The following PRKD1 variants were observed in gnomAD, a reference collection of about 807,000 sequenced individuals.
The protein encoded by PRKD1 is serine/threonine-protein kinase D1.
PRKD1 carries 63 observed loss-of-function variants against 95.9 expected under a neutral mutation model. The ratio of observed to expected loss-of-function variants is 0.66; its 90% CI spans 0.54 to 0.81. The LOEUF is 0.81. Among genes scored for constraint, PRKD1 ranks in the 30% least tolerant of loss-of-function variants. PRKD1 has a pLI of 0.00. For missense variants in PRKD1, 1,048 were observed against 1,165.3 expected (o/e 0.90, Z 1.47); for synonymous variants, 425 against 423.1 (o/e 1.00, Z -0.05).
At chr14:29,908,234 T>C (rs778291188) in intron 1 of PRKD1, among the ~76,000 whole-genome samples, 14 of 152,138 alleles carry the variant, frequency 9.2e-5, no homozygotes, top group Admixed American at 7.9e-4. Flanking sequence ...AATTTAATCT[T>C]AGGAATTAAT....
chr14:29,874,674 T>C (rs888555103), intron 1 of PRKD1, among the ~76,000 whole-genome samples: 4 of 152,156 alleles, frequency 2.6e-5, no homozygotes, highest in Admixed American at 2.6e-4. Flanking sequence ...GAATGAAATC[T>C]TGTCATTTGC....
At chr14:29,799,436 G>T in intron 1 of PRKD1, among the ~76,000 whole-genome samples, 1 of 152,212 alleles carries the variant, frequency 6.6e-6, no homozygotes, top group East Asian at 1.9e-4. Context: ...AAATTGCTCC[G>T]GGATTCCTAA....
chr14:29,729,789 A>T (rs1386705275), intron 1 of PRKD1, among the ~76,000 whole-genome samples: 2 of 152,074 alleles, frequency 1.3e-5, no homozygotes, highest in Non-Finnish European at 1.5e-5. Flanking sequence ...CATTTAATGC[A>T]ATAAATACTT....
At chr14:29,750,771 T>C (rs1196273973) in intron 1 of PRKD1, among the ~76,000 whole-genome samples, 1 of 152,104 alleles carries the variant, frequency 6.6e-6, no homozygotes, top group Admixed American at 6.6e-5. Context: ...ATTGACTCCT[T>C]TTTCCCTCAA....
At chr14:29,831,885 C>T (rs773713620) in intron 1 of PRKD1, among the ~76,000 whole-genome samples, 5 of 151,988 alleles carry the variant, frequency 3.3e-5, no homozygotes, top group Non-Finnish European at 5.9e-5. Context: ...AAGTATGTTG[C>T]TGTATTAGTC....
chr14:29,907,857 C>A (rs943671624), intron 1 of PRKD1, among the ~76,000 whole-genome samples: 1 of 152,062 alleles, frequency 6.6e-6, no homozygotes, highest in African/African-American at 2.4e-5. Context: ...ATGGAATTTT[C>A]TTAAACATGT....
At chr14:29,763,402 G>GAGGGAGGGAGA (rs1566586510) in intron 1 of PRKD1, among the ~76,000 whole-genome samples, 2 of 115,168 alleles carry the variant, frequency 1.7e-5, no homozygotes, top group African/African-American at 6.6e-5. Flanking sequence ...AGAGGGGAGG[G>GAGGGAGGGAGA]AGGGAGGGAG....
intron 1 of PRKD1, among the ~76,000 whole-genome samples, chr14:29,917,579 T>C (rs1242473110): frequency 6.6e-6 from 1 of 152,218 alleles, no homozygotes; most frequent in East Asian, 1.9e-4. Flanking sequence ...GTTTGTGACA[T>C]ATCAAGTTAG....
intron 3 of PRKD1, among the ~76,000 whole-genome samples, 189 bp from the exon 4 acceptor site, chr14:29,664,048 A>G (rs8010221): frequency 6.6e-6 from 1 of 151,884 alleles, no homozygotes; most frequent in Non-Finnish European, 1.5e-5. Flanking sequence ...TTGAATTCTG[A>G]TCTTATTGCA....
At chr14:29,845,856 T>C (rs1400896913) in intron 1 of PRKD1, among the ~76,000 whole-genome samples, 1 of 152,176 alleles carries the variant, frequency 6.6e-6, no homozygotes, top group Non-Finnish European at 1.5e-5. Flanking sequence ...AACAGAAATG[T>C]ACTGATTCCC....
At chr14:29,849,119 G>C (rs1172525400) in intron 1 of PRKD1, among the ~76,000 whole-genome samples, 2 of 152,198 alleles carry the variant, frequency 1.3e-5, no homozygotes, top group Non-Finnish European at 2.9e-5. Context: ...GTGGGGCCTG[G>C]TGGGAAGTGA....
At chr14:29,732,704 G>A (rs964455214) in intron 1 of PRKD1, among the ~76,000 whole-genome samples, 4 of 151,850 alleles carry the variant, frequency 2.6e-5, no homozygotes, top group African/African-American at 9.7e-5. Flanking sequence ...TCTTTTTTTG[G>A]AAAGCTATTT....
chr14:29,665,939 A>G, intron 3 of PRKD1, 138 bp downstream of exon 3: 1 of 895,298 alleles, frequency 1.1e-6, no homozygotes, highest in Non-Finnish European at 1.6e-6. Flanking sequence ...ATATATGTAT[A>G]TATGTACCAC....
intron 2 of PRKD1, among the ~76,000 whole-genome samples, chr14:29,675,707 T>C (rs969864504): frequency 3.9e-5 from 6 of 152,078 alleles, no homozygotes; most frequent in Admixed American, 3.9e-4. Context: ...CTAGTCACAA[T>C]AGCAAAGACT....
intron 1 of PRKD1, among the ~76,000 whole-genome samples, chr14:29,735,960 C>A (rs772712097): frequency 1.3e-5 from 2 of 152,130 alleles, no homozygotes; most frequent in Non-Finnish European, 2.9e-5. Context: ...TTAAAGCTAT[C>A]ATTTAAACAC....
intron 1 of PRKD1, among the ~76,000 whole-genome samples, chr14:29,876,102 C>T (rs1893278311): frequency 6.6e-6 from 1 of 152,194 alleles, no homozygotes; most frequent in Non-Finnish European, 1.5e-5. Flanking sequence ...AGTGAGTATG[C>T]CTCCCATTTG....
At chr14:29,915,386 A>C (rs1894856209) in intron 1 of PRKD1, among the ~76,000 whole-genome samples, 1 of 152,236 alleles carries the variant, frequency 6.6e-6, no homozygotes, top group Non-Finnish European at 1.5e-5. Context: ...ATTTCAAAAA[A>C]AATTTACAAT....
intron 8 of PRKD1, 57 bp from the exon 9 acceptor site, chr14:29,633,003 T>C: frequency 6.8e-7 from 1 of 1,461,674 alleles, no homozygotes; most frequent in Non-Finnish European, 9.6e-7. Context: ...TATCCCCAAT[T>C]GAAAACATAA....
intron 1 of PRKD1, among the ~76,000 whole-genome samples, chr14:29,899,116 T>C (rs1894230317): frequency 6.6e-6 from 1 of 152,154 alleles, no homozygotes; most frequent in Admixed American, 6.5e-5. Flanking sequence ...TCACTAAGAA[T>C]CAATACAAGC....
Sources: gnomAD v4.1 joint callset for allele counts (sites outside exome capture counted in the v4.1 genomes callset) on GRCh38, gnomAD v4.1.1 for gene constraint, MANE v1.5 for transcripts, NCBI Gene and HGNC (gene_info 2026-07-23, HGNC 2026-07-21) for gene names.